The following TIAM1 variants were observed in gnomAD, a reference collection of about 807,000 sequenced individuals.
The protein encoded by TIAM1 is rho guanine nucleotide exchange factor TIAM1.
Under a neutral mutation model 163.5 loss-of-function variants are expected in TIAM1, and 65 were observed. The observed-to-expected ratio is 0.40, with a 90% confidence interval of 0.33 to 0.49. The LOEUF (loss-of-function observed/expected upper bound fraction) is 0.49. Ranked by LOEUF, TIAM1 falls within the 20% of genes least tolerant of loss-of-function variation. The probability of loss-of-function intolerance (pLI) is 0.77; values close to 1 mark genes in which losing one functional copy is unlikely to be tolerated. For synonymous variants in TIAM1, 833 were observed against 810.1 expected (o/e 1.03, Z -0.48); for missense variants, 1,789 against 2,044.7 (o/e 0.87, Z 2.41).
At position 31,487,705 on chromosome 21, in the gene TIAM1, C is replaced by T. The variant is rs569915861; in HGVS notation, c.-421-23670G>A. Among the ~76,000 whole-genome samples the T allele has an allele frequency of 2.0e-5, 3 of 151,868 alleles. No homozygotes were observed. The South Asian group carries it at 6.2e-4, about 32-fold the overall frequency. On this transcript the variant is annotated intron_variant, in intron 1 of 28. Coordinates refer to the TIAM1 transcript ENST00000286827. ...CCCAAGTAGCTGGGACTACAGGCGC[C>T]CGCCACCGCGCCCGGCTAATTTTTT... is the stretch of plus-strand genomic sequence containing the variant.
Position 31,394,746 on chromosome 21 carries a change from A to T in TIAM1, c.-368-55324T>A, listed in dbSNP as rs1313798826. On this transcript the variant is annotated intron_variant, in intron 2 of 28. Coordinates refer to the TIAM1 transcript ENST00000286827. ...CTCTCTCTCACACACACACACACAC[A>T]CACACACACACACACACACACACAC... Among the ~76,000 whole-genome samples, 309 of 149,464 alleles carry T rather than the reference A, an allele frequency of 2.1e-3. 3 individuals carry two copies. The highest frequency in any genetic ancestry group is 6.8e-3 in the African/African-American group (278 of 40,788).
intron 5 of TIAM1, among the ~76,000 whole-genome samples, chr21:31,247,038 T>G (rs1019938825): frequency 6.6e-6 from 1 of 152,198 alleles, no homozygotes; most frequent in African/African-American, 2.4e-5. Context: ...AGATAAAGTT[T>G]GCCAGGCACA....
At chr21:31,421,080 G>A (rs781418528) in intron 2 of TIAM1, among the ~76,000 whole-genome samples, 13 of 150,816 alleles carry the variant, frequency 8.6e-5, no homozygotes, top group South Asian at 4.2e-4. Flanking sequence ...GCAGTGAGCC[G>A]AGATCATGCC....
chr21:31,257,591 A>G (rs1313800511), intron 4 of TIAM1, among the ~76,000 whole-genome samples: 1 of 151,872 alleles, frequency 6.6e-6, no homozygotes, highest in Non-Finnish European at 1.5e-5. Flanking sequence ...GTTGAGCAAT[A>G]AGCTCTCTCT....
chr21:31,240,940 C>T (rs540916736), intron 6 of TIAM1, among the ~76,000 whole-genome samples: 26 of 152,198 alleles, frequency 1.7e-4, no homozygotes, highest in African/African-American at 5.8e-4. Flanking sequence ...TGGAAGGGAC[C>T]CAGTGGTAGG....
chr21:31,332,345 A>C (rs774988731), intron 2 of TIAM1, among the ~76,000 whole-genome samples: 26 of 152,170 alleles, frequency 1.7e-4, no homozygotes, highest in Non-Finnish European at 3.7e-4. Flanking sequence ...TTTGCCAACT[A>C]TACAGAGAGA....
intron 1 of TIAM1, among the ~76,000 whole-genome samples, chr21:31,465,819 C>T (rs902827638): frequency 6.6e-6 from 1 of 152,142 alleles, no homozygotes; most frequent in East Asian, 1.9e-4. Context: ...ATCCGCCCTC[C>T]TTGGCCTCCC....
intron 2 of TIAM1, among the ~76,000 whole-genome samples, chr21:31,430,243 TATATACAC>T (rs1179040781): frequency 3.8e-5 from 5 of 131,160 alleles, no homozygotes; most frequent in African/African-American, 1.6e-4. Context: ...TATATATATA[TATATACAC>T]ACACACACAC....
intron 2 of TIAM1, among the ~76,000 whole-genome samples, chr21:31,365,535 C>T (rs915330957): frequency 1.3e-5 from 2 of 151,562 alleles, no homozygotes; most frequent in African/African-American, 4.8e-5. Flanking sequence ...ACTACAGGCA[C>T]CCGCCACCAC....
intron 8 of TIAM1, 140 bp from the exon 9 acceptor site, chr21:31,217,839 T>C (rs1456537455): frequency 1.7e-5 from 16 of 958,278 alleles, no homozygotes; most frequent in Non-Finnish European, 2.2e-5. Context: ...GCCTAAAGTA[T>C]TCAATCCATG....
chr21:31,435,108 T>C (rs991983591), intron 2 of TIAM1, among the ~76,000 whole-genome samples: 1 of 152,124 alleles, frequency 6.6e-6, no homozygotes, highest in Non-Finnish European at 1.5e-5. Flanking sequence ...TGCCAAGAAC[T>C]TCGGGGCCAC....
chr21:31,196,592 T>C (rs2085872638), intron 12 of TIAM1, among the ~76,000 whole-genome samples: 1 of 151,702 alleles, frequency 6.6e-6, no homozygotes, highest in Non-Finnish European at 1.5e-5. Flanking sequence ...AGTGCAGGAA[T>C]TACAGGCATG....
chr21:31,152,115 C>T (rs2083405447), intron 19 of TIAM1, among the ~76,000 whole-genome samples: 1 of 150,054 alleles, frequency 6.7e-6, no homozygotes, highest in South Asian at 2.1e-4. Context: ...TCACTGCAAC[C>T]TCTGCATCTC....
At chr21:31,482,229 G>A (rs2046136691) in intron 1 of TIAM1, among the ~76,000 whole-genome samples, 1 of 151,812 alleles carries the variant, frequency 6.6e-6, no homozygotes, top group Admixed American at 6.6e-5. Flanking sequence ...TCGGCTCACT[G>A]CAACCTCCAT....
At chr21:31,267,610 T>C (rs1468749792) in intron 3 of TIAM1, among the ~76,000 whole-genome samples, 1 of 150,478 alleles carries the variant, frequency 6.6e-6, no homozygotes, top group Admixed American at 6.6e-5. Context: ...GATCAACTTT[T>C]CCTAGTAAAT....
At chr21:31,130,341 A>C (rs2082366316) in intron 24 of TIAM1, 26 bp from the exon 25 acceptor site, 1 of 1,587,604 alleles carries the variant, frequency 6.3e-7, no homozygotes, top group Non-Finnish European at 8.7e-7. Context: ...AACCAGCTGC[A>C]TAAGAAGAAT....
intron 2 of TIAM1, among the ~76,000 whole-genome samples, chr21:31,365,040 C>T (rs774291734): frequency 7.9e-5 from 12 of 152,138 alleles, no homozygotes; most frequent in Admixed American, 7.9e-4. Flanking sequence ...TTACATGACA[C>T]CAATTATTCT....
chr21:31,444,407 G>A lies in TIAM1; in HGVS notation c.-369+19576C>T, dbSNP rs190355439. The stretch of plus-strand genomic sequence containing the variant: ...CTTATTGCATTCTATTTCAAAGGAG[G>A]GGTGAAATATCTAGAATGCCACGAT... On this transcript the variant is annotated intron_variant, in intron 2 of 28. Transcript: ENST00000286827. Among the ~76,000 whole-genome samples, 28 of 151,300 alleles carry A rather than the reference G, an allele frequency of 1.9e-4. No individual in the cohort carries two copies. The East Asian group carries it at 5.2e-3, about 28-fold the overall frequency.
chr21:31,533,562 C>G (rs1313604999), intron 1 of TIAM1, among the ~76,000 whole-genome samples: 1 of 151,856 alleles, frequency 6.6e-6, no homozygotes, highest in East Asian at 1.9e-4. Context: ...AAGACAAGCC[C>G]ACTTACAAAA....
Sources: gnomAD v4.1 joint callset for allele counts (sites outside exome capture counted in the v4.1 genomes callset) on GRCh38, gnomAD v4.1.1 for gene constraint, MANE v1.5 for transcripts, NCBI Gene and HGNC (gene_info 2026-07-23, HGNC 2026-07-21) for gene names.